The following WDR70 variants were observed in gnomAD, a reference collection of about 807,000 sequenced individuals.
WDR70 encodes WD repeat domain 70, also known as WD repeat-containing protein 70.
WDR70 carries 53 observed loss-of-function variants against 88.6 expected under a neutral mutation model. That is an observed-to-expected ratio of 0.60 (90% CI 0.48 to 0.75). The LOEUF is 0.75. Among genes scored for constraint, WDR70 ranks in the 30% least tolerant of loss-of-function variants. WDR70 has a pLI of 0.00. For synonymous variants in WDR70, 280 were observed against 270.0 expected, an observed-to-expected ratio of 1.04 and a Z score of -0.36; for missense variants, 610 against 823.2, an observed-to-expected ratio of 0.74 and a Z score of 3.17.
At chr5:37,418,199 A>G (rs1212056842) in intron 5 of WDR70, among the ~76,000 whole-genome samples, 3 of 148,468 alleles carry the variant, frequency 2.0e-5, no homozygotes, top group African/African-American at 2.6e-5. Context: ...TTAAATTTTG[A>G]ATTATGAATT....
At chr5:37,613,458 A>G (rs1744244200) in intron 10 of WDR70, among the ~76,000 whole-genome samples, 1 of 152,206 alleles carries the variant, frequency 6.6e-6, no homozygotes, top group African/African-American at 2.4e-5. Flanking sequence ...CTGAAACCTT[A>G]GCCATGGTAG....
At position 37,479,814 on chromosome 5, in the gene WDR70, T is replaced by C. The variant is rs750988179; in HGVS notation, c.687-20T>C. ...CATTGTGCTTAGTATCTTACCAACT[T>C]TCCTTTTCTTTTCGTACAGCCATCA... On this transcript the variant is annotated intron_variant, in intron 7 of 17. Transcript: ENST00000265107. 1 of 1,600,580 alleles carries C rather than the reference T, an allele frequency of 6.2e-7. No individual in the cohort carries two copies. The highest frequency in any genetic ancestry group is 8.5e-7 in the Non-Finnish European group (1 of 1,174,838).
intron 10 of WDR70, among the ~76,000 whole-genome samples, chr5:37,650,959 G>A (rs1001169120): frequency 8.2e-6 from 1 of 121,682 alleles, no homozygotes; most frequent in East Asian, 2.1e-4. Flanking sequence ...TACAGAATGG[G>A]CTTCATTTTT....
At chr5:37,702,886 T>C in intron 12 of WDR70, 63 bp from the exon 13 acceptor site, 1 of 1,499,514 alleles carries the variant, frequency 6.7e-7, no homozygotes, top group Non-Finnish European at 9.1e-7. Context: ...TTTAATTCAC[T>C]AATGATTGCT....
intron 9 of WDR70, among the ~76,000 whole-genome samples, chr5:37,585,447 G>T (rs964561677): frequency 2.6e-5 from 4 of 152,176 alleles, no homozygotes; most frequent in African/African-American, 9.7e-5. Context: ...ACATAGAAGT[G>T]CAGTTGGAGA....
At chr5:37,722,716 C>G (rs1304974753) in intron 14 of WDR70, 139 bp from the exon 15 acceptor site, 6 of 712,262 alleles carry the variant, frequency 8.4e-6, no homozygotes, top group African/African-American at 1.8e-5. Context: ...CATCTGTTGC[C>G]ATCCCTCAGA....
At chr5:37,739,664 C>G (rs1554016109) in intron 17 of WDR70, among the ~76,000 whole-genome samples, 1 of 151,898 alleles carries the variant, frequency 6.6e-6, no homozygotes, top group Non-Finnish European at 1.5e-5. Flanking sequence ...TATATATATA[C>G]TTTAAGTTCT....
intron 5 of WDR70, among the ~76,000 whole-genome samples, chr5:37,409,713 C>G (rs936502536): frequency 6.6e-6 from 1 of 151,758 alleles, no homozygotes; most frequent in Non-Finnish European, 1.5e-5. Flanking sequence ...CCATGCTGGC[C>G]GGGCTGGTCA....
chr5:37,520,540 C>T (rs1017582275), intron 9 of WDR70, among the ~76,000 whole-genome samples: 1 of 151,964 alleles, frequency 6.6e-6, no homozygotes, highest in South Asian at 2.1e-4. Flanking sequence ...TTTCTTATTT[C>T]AGCATTAGGG....
intron 6 of WDR70, among the ~76,000 whole-genome samples, chr5:37,440,624 C>T (rs1296010142): frequency 3.3e-5 from 5 of 152,220 alleles, no homozygotes; most frequent in African/African-American, 7.2e-5. Flanking sequence ...GGATTACAGG[C>T]GTGAGCCACT....
rs116803628 is a variant in WDR70, at chr5:37,423,181, C to T, written c.493-14741C>T. On this transcript the variant is annotated intron_variant, in intron 5 of 17. Transcript: ENST00000265107. Reference sequence around the variant, plus strand: ...TGTCATATAATTCATGGTAACTAACCTCTTTCACTTTTATAATTGACAAAG... The same window carrying T: ...TGTCATATAATTCATGGTAACTAACTTCTTTCACTTTTATAATTGACAAAG... Among the ~76,000 whole-genome samples the T allele has an allele frequency of 5.4e-3, 825 of 151,960 alleles. 5 individuals are homozygous for T. The highest frequency in any genetic ancestry group is 0.011 in the African/African-American group (460 of 41,434).
intron 5 of WDR70, among the ~76,000 whole-genome samples, chr5:37,413,835 C>T (rs141155344): frequency 9.5e-4 from 144 of 151,334 alleles, no homozygotes; most frequent in Middle Eastern, 6.8e-3. Context: ...TTAGTCTAAT[C>T]CAAACTTTTG....
chr5:37,697,334 T>A (rs957968683), intron 10 of WDR70, among the ~76,000 whole-genome samples: 3 of 152,212 alleles, frequency 2.0e-5, no homozygotes, highest in Admixed American at 6.5e-5. Context: ...ATTGTCCCAA[T>A]AACTTTATAA....
intron 9 of WDR70, among the ~76,000 whole-genome samples, chr5:37,571,133 AT>A (rs1343031235): frequency 6.6e-6 from 1 of 152,160 alleles, no homozygotes; most frequent in African/African-American, 2.4e-5. Context: ...TTGATTTTGA[AT>A]ATGGCCTTAG....
At chr5:37,516,705 T>C (rs994997250) in intron 9 of WDR70, 115 bp downstream of exon 9, 3 of 210,426 alleles carry the variant, frequency 1.4e-5, no homozygotes, top group African/African-American at 2.9e-5. Flanking sequence ...GGAATTCTTA[T>C]TATATACATA....
chr5:37,466,740 A>G (rs2112121233), intron 7 of WDR70, among the ~76,000 whole-genome samples: 1 of 144,570 alleles, frequency 6.9e-6, no homozygotes, highest in Admixed American at 6.9e-5. Context: ...AAAAAAATTT[A>G]AGTTCTTTAG....
At chr5:37,570,441 C>A (rs1742869279) in intron 9 of WDR70, among the ~76,000 whole-genome samples, 1 of 152,064 alleles carries the variant, frequency 6.6e-6, no homozygotes, top group African/African-American at 2.4e-5. Flanking sequence ...AATATCTGTT[C>A]TGATAGCTTT....
chr5:37,408,076 T>A (rs1219134466), intron 5 of WDR70, among the ~76,000 whole-genome samples: 2 of 152,168 alleles, frequency 1.3e-5, no homozygotes, highest in Non-Finnish European at 2.9e-5. Context: ...ATATCTCAGA[T>A]CTCGTCTGCG....
At chr5:37,517,829 T>C (rs1740935224) in intron 9 of WDR70, among the ~76,000 whole-genome samples, 1 of 71,266 alleles carries the variant, frequency 1.4e-5, no homozygotes, top group Non-Finnish European at 4.0e-5. Flanking sequence ...TAAACTCTTT[T>C]AGTTATTTTA....
Sources: allele counts gnomAD v4.1 joint callset (sites outside exome capture counted in the v4.1 genomes callset), GRCh38; gene constraint gnomAD v4.1.1; transcripts MANE v1.5; gene names NCBI Gene and HGNC (gene_info 2026-07-23, HGNC 2026-07-21).